The following HSPA12A variants were observed in gnomAD, a reference collection of about 807,000 sequenced individuals.
The protein encoded by HSPA12A is heat shock protein family A (Hsp70) member 12A, also known as heat shock 70 kDa protein 12A.
HSPA12A carries 28 observed loss-of-function variants against 69.2 expected under a neutral mutation model. That is an observed-to-expected ratio of 0.40 (90% CI 0.30 to 0.55). HSPA12A has a LOEUF of 0.55. Ranked by LOEUF, HSPA12A falls within the 20% of genes least tolerant of loss-of-function variation. The pLI, the probability that HSPA12A is intolerant of heterozygous loss-of-function variation, is 0.38. For synonymous variants in HSPA12A, 345 were observed against 370.5 expected (o/e 0.93, Z 0.79); for missense variants, 686 against 900.7 (o/e 0.76, Z 3.05).
At chr10:116,681,456 C>T (rs1175440275) in intron 8 of HSPA12A, among the ~76,000 whole-genome samples, 200 bp from the exon 9 acceptor site, 8 of 152,194 alleles carry the variant, frequency 5.3e-5, no homozygotes, top group African/African-American at 1.9e-4. Context: ...TAGACATGGA[C>T]GATGGAGAAC....
Position 116,671,543 on chromosome 10 carries a change from C to A in HSPA12A, c.*3238G>T, listed in dbSNP as rs1849078248. ...TGCATGCGATTCTTTGCTACCCTGG[C>A]AATTAACCAGACCTGGACTCTAAAA... is the stretch of plus-strand genomic sequence containing the variant. On this transcript the variant is annotated 3_prime_UTR_variant, in exon 12 of 12. Coordinates refer to ENST00000369209, the MANE Select transcript of HSPA12A (RefSeq NM_025015.3). 6.6e-6 allele frequency: 1 copy of A among 152,586 alleles called. No homozygotes were observed. Among genetic ancestry groups the A allele is most frequent in the East Asian group, 1.9e-4 (1 of 5,198 alleles). The allele number at this position is 152,586 out of a possible 1,614,324, so 9.5% of individuals were successfully genotyped here.
At chr10:116,682,454 CT>C (rs1849436254) in intron 7 of HSPA12A, among the ~76,000 whole-genome samples, 2 of 140,902 alleles carry the variant, frequency 1.4e-5, no homozygotes, top group Admixed American at 6.8e-5. Context: ...GGTAAATAGA[CT>C]GGGGGGGGGG....
intron 1 of HSPA12A, among the ~76,000 whole-genome samples, chr10:116,716,349 A>T (rs1475478021): frequency 6.6e-6 from 1 of 150,562 alleles, no homozygotes; most frequent in Non-Finnish European, 1.5e-5. Flanking sequence ...TGTGGTTCTC[A>T]CCCCAGACAG....
intron 2 of HSPA12A, among the ~76,000 whole-genome samples, chr10:116,820,619 C>T (rs1637560): frequency 0.98 from 149,423 of 152,124 alleles, 73,426 homozygotes; most frequent in East Asian, 1. Context: ...TCACTGGTTG[C>T]ACCTCATTGC....
chr10:116,707,515 C>T (rs1554882654), intron 1 of HSPA12A, among the ~76,000 whole-genome samples: 2 of 152,198 alleles, frequency 1.3e-5, no homozygotes, highest in African/African-American at 4.8e-5. Context: ...TCCTCCCAGT[C>T]GCCACCAGGC....
intron 2 of HSPA12A, among the ~76,000 whole-genome samples, chr10:116,765,464 G>A (rs1296591036): frequency 6.6e-6 from 1 of 152,114 alleles, no homozygotes; most frequent in Non-Finnish European, 1.5e-5. Context: ...GGGACCATAG[G>A]AGGGGGAAAA....
intron 3 of HSPA12A, among the ~76,000 whole-genome samples, chr10:116,703,834 C>T (rs1850151150): frequency 6.6e-6 from 1 of 152,232 alleles, no homozygotes; most frequent in South Asian, 2.1e-4. Context: ...GAGTGCATCC[C>T]AGGAGGCCCA....
At chr10:116,746,444 A>G (rs923817183), upstream of HSPA12A, among the ~76,000 whole-genome samples, 3 of 152,216 alleles carry the variant, frequency 2.0e-5, no homozygotes, top group Non-Finnish European at 4.4e-5. Flanking sequence ...TGGGGGATGC[A>G]TCAGGACCAA....
rs1022160914 is a variant in HSPA12A, at chr10:116,673,111, G to A, written c.*1670C>T. 1.3e-5 allele frequency: 2 copies of A among 152,568 alleles called. No homozygotes were observed. Among genetic ancestry groups the A allele is most frequent in the Admixed American group, 6.5e-5 (1 of 15,280 alleles). 9.5% of individuals were successfully genotyped at this position (152,568 alleles called of 1,614,324 possible). On this transcript the variant is annotated 3_prime_UTR_variant, in exon 12 of 12. Transcript: ENST00000369209. Reference sequence around the variant, plus strand: ...GCCTCCAGTGATTTAATGAATTTCAGCAGGTGGAAAAGACAGCTTTGAACA... The same window carrying A: ...GCCTCCAGTGATTTAATGAATTTCAACAGGTGGAAAAGACAGCTTTGAACA...
chr10:116,797,553 T>C (rs1017741490), intron 2 of HSPA12A, among the ~76,000 whole-genome samples: 1 of 152,214 alleles, frequency 6.6e-6, no homozygotes, highest in African/African-American at 2.4e-5. Flanking sequence ...GGCTGGAATG[T>C]GAACCCACGT....
At chr10:116,806,286 C>T (rs1326126868) in intron 2 of HSPA12A, among the ~76,000 whole-genome samples, 1 of 152,218 alleles carries the variant, frequency 6.6e-6, no homozygotes, top group Admixed American at 6.5e-5. Context: ...CTGCAACCTC[C>T]ACCTCCCCAG....
At chr10:116,706,041 C>T (rs1589646547) in intron 2 of HSPA12A, among the ~76,000 whole-genome samples, 1 of 151,912 alleles carries the variant, frequency 6.6e-6, no homozygotes, top group African/African-American at 2.4e-5. Context: ...ACTATAGGCA[C>T]CCGCCACCAC....
Position 116,707,149 on chromosome 10 carries a change from G to GCT in HSPA12A, c.126+50_126+51insAG, listed in dbSNP as rs1491543649. 1.1e-5 allele frequency: 5 copies of GCT among 441,276 alleles called. No homozygotes were observed. In the African/African-American group the frequency reaches 1.3e-4, roughly 12 times the overall value. The allele number at this position is 441,276 out of a possible 1,614,324, so 27.3% of individuals were successfully genotyped here. ...CGCACGTGTGCTCATGCGCACCCAT[G>GCT]CGCGCACACACACACACACACACAC... On this transcript the variant is annotated intron_variant, in intron 2 of 11. Transcript: ENST00000369209.
intron 2 of HSPA12A, among the ~76,000 whole-genome samples, chr10:116,805,453 T>C (rs1309488456): frequency 2.0e-5 from 3 of 152,174 alleles, no homozygotes; most frequent in African/African-American, 7.2e-5. Flanking sequence ...GCACATTTTA[T>C]TTTCCTTAAC....
At chr10:116,677,397 A>T (rs1463350212) in intron 10 of HSPA12A, among the ~76,000 whole-genome samples, 1 of 152,250 alleles carries the variant, frequency 6.6e-6, no homozygotes, top group African/African-American at 2.4e-5. Context: ...ACATGTTGGT[A>T]AGGAATCCTT....
chr10:116,850,012 T>G, upstream of HSPA12A: 1 of 597,808 alleles, frequency 1.7e-6, no homozygotes, highest in Middle Eastern at 2.6e-4. Flanking sequence ...CTGGCAGGCT[T>G]CCTCGCTGCC....
intron 2 of HSPA12A, among the ~76,000 whole-genome samples, chr10:116,826,044 A>G (rs1845498563): frequency 6.6e-6 from 1 of 152,130 alleles, no homozygotes. Flanking sequence ...AGGGAATTCC[A>G]TTCTCTGTGT....
At position 116,800,650 on chromosome 10, in the gene HSPA12A, G is replaced by A. The variant is rs570084094; in HGVS notation, c.91+34285C>T. The stretch of plus-strand genomic sequence containing the variant: ...AAAATCCCTTGCACTCCATCTCCGC[G>A]ATGGATTCTTGGCTGGAAAAAATGG... On this transcript the variant is annotated intron_variant, in intron 2 of 12. Coordinates refer to the HSPA12A transcript ENST00000635765. Among the ~76,000 whole-genome samples, 6 of 152,256 alleles carry A rather than the reference G, an allele frequency of 3.9e-5. 1 individual carries two copies. The highest frequency in any genetic ancestry group is 1.4e-4 in the African/African-American group (6 of 41,550).
In HSPA12A at chr10:116,679,774, C is replaced by A. The variant is rs1564773361; in HGVS notation, c.1028-13G>T. 6.2e-7 allele frequency: 1 copy of A among 1,606,026 alleles called. No individual in the cohort carries two copies. ...CCATAGGGTCCGCCTGAATTGAGAA[C>A]AAAAAGGGAGGCCATGGTGTTAAAA... is the stretch of plus-strand genomic sequence containing the variant. On this transcript the variant is annotated splice_polypyrimidine_tract_variant and intron_variant, in intron 9 of 11. Transcript: ENST00000369209.
Sources: gnomAD v4.1 joint callset for allele counts (sites outside exome capture counted in the v4.1 genomes callset) on GRCh38, gnomAD v4.1.1 for gene constraint, MANE v1.5 for transcripts, NCBI Gene and HGNC (gene_info 2026-07-23, HGNC 2026-07-21) for gene names.